Variants in MOV10L1 observed in about 807,000 individuals in gnomAD.
The protein encoded by MOV10L1 is RNA helicase Mov10l1.
A neutral mutation model predicts 143.8 loss-of-function variants in MOV10L1; 110 were observed. The ratio of observed to expected loss-of-function variants is 0.76; its 90% CI spans 0.66 to 0.90. MOV10L1 has a LOEUF of 0.90. Ranked by LOEUF, MOV10L1 falls within the 40% of genes least tolerant of loss-of-function variation. The pLI is 0.00. For synonymous variants in MOV10L1, 593 were observed against 581.1 expected (o/e 1.02, Z -0.29); for missense variants, 1,406 against 1,526.8 (o/e 0.92, Z 1.32).
At position 50,159,773 on chromosome 22, in the gene MOV10L1, C is replaced by G. The variant is rs199998039; in HGVS notation, c.3312C>G (p.Ile1104Met). The G allele has an allele frequency of 1.9e-6, 3 of 1,608,802 alleles. No homozygotes were observed. Among genetic ancestry groups the G allele is most frequent in the Non-Finnish European group, 2.6e-6 (3 of 1,175,846 alleles). ...EEFQGQEYLV[I>M]IISTVRSNED... is the part of the protein sequence containing the mutation. ...TTCAAGGACAAGAGTATCTGGTCAT[C>G]ATCATTTCGACCGTAGGTATCCCTG... is the stretch of plus-strand genomic sequence containing the variant. Residue 1104 changes from isoleucine to methionine, a missense_variant, in exon 24 of 27, where the codon ATC becomes ATG. Around this residue, in one of 3 missense-constraint regions of MOV10L1, gnomAD observed 1,233 missense variants for 1,351.4 expected, o/e 0.91. Transcript: ENST00000262794. This position sits in a 1 kb window ranked among gnomAD's most constrained non-coding sequence, Gnocchi z 4.1.
rs757913171 is a variant in MOV10L1 at position 50,158,731 on chromosome 22, TC to T, written c.3216+528del. Reference sequence around the variant, plus strand: ...CCAGGTTTCATTCATGAAGCATGTGTCCCTGTGGTGTTCACACCACCAAGCA... The same window carrying T: ...CCAGGTTTCATTCATGAAGCATGTGTCCTGTGGTGTTCACACCACCAAGCA... On this transcript the variant is annotated intron_variant, in intron 23 of 26. Coordinates refer to ENST00000262794, the MANE Select transcript of MOV10L1 (RefSeq NM_018995.3). This position sits in a 1 kb window ranked among gnomAD's most constrained non-coding sequence, Gnocchi z 5.0. 122 of 154,412 alleles carry T rather than the reference TC, an allele frequency of 7.9e-4. No individual in the cohort carries two copies. Among genetic ancestry groups the T allele is most frequent in the Middle Eastern group, 3.3e-3 (1 of 300 alleles). 9.6% of individuals were successfully genotyped at this position (154,412 alleles called of 1,614,324 possible).
intron 15 of MOV10L1, 120 bp from the exon 16 acceptor site, chr22:50,141,961 C>G (rs2063000330): frequency 3.2e-6 from 2 of 623,112 alleles, no homozygotes; most frequent in Admixed American, 3.7e-5. Context: ...GTGATCCATC[C>G]AAAGAGCTGT....
At chr22:50,157,710 T>G (rs1044603102) in intron 22 of MOV10L1, among the ~76,000 whole-genome samples, 4 of 146,720 alleles carry the variant, frequency 2.7e-5, no homozygotes, top group Non-Finnish European at 4.5e-5. Context: ...TAATGTTTTC[T>G]AAGGAAGAGT....
intron 5 of MOV10L1, among the ~76,000 whole-genome samples, chr22:50,113,069 C>T (rs1440072161): frequency 6.6e-6 from 1 of 152,122 alleles, no homozygotes; most frequent in Non-Finnish European, 1.5e-5. Context: ...GCAGGTTTAC[C>T]TTCTGGAAAG....
At chr22:50,161,157 A>G (rs2063550758) in intron 26 of MOV10L1, 102 bp downstream of exon 26, 1 of 1,275,378 alleles carries the variant, frequency 7.8e-7, no homozygotes, top group African/African-American at 1.5e-5. Flanking sequence ...ACCCACCTGC[A>G]GCCTTAGCCC....
chr22:50,117,115 T>A (rs1364133473), intron 8 of MOV10L1, 42 bp from the exon 9 acceptor site: 1 of 1,568,348 alleles, frequency 6.4e-7, no homozygotes, highest in African/African-American at 1.4e-5. Flanking sequence ...ACTGCCTATC[T>A]TATTTATGAC....
chr22:50,133,692 C>A (rs190307386), intron 13 of MOV10L1, among the ~76,000 whole-genome samples: 3 of 152,100 alleles, frequency 2.0e-5, no homozygotes, highest in Admixed American at 2.0e-4. Flanking sequence ...AGGCGTGCAC[C>A]ACCACTATGC....
intron 15 of MOV10L1, among the ~76,000 whole-genome samples, chr22:50,137,257 A>G (rs1240020812): frequency 6.6e-6 from 1 of 152,216 alleles, no homozygotes; most frequent in Non-Finnish European, 1.5e-5. Flanking sequence ...AGTTATAAAT[A>G]TGTTCCATGT....
chr22:50,143,433 CT>C (rs1195503110), intron 17 of MOV10L1: 2 of 578,116 alleles, frequency 3.5e-6, no homozygotes, highest in African/African-American at 3.7e-5. Context: ...CATTTTTAGC[CT>C]GGTAAACTAT....
At chr22:50,133,464 A>AT (rs2062733566) in intron 13 of MOV10L1, among the ~76,000 whole-genome samples, 1 of 151,062 alleles carries the variant, frequency 6.6e-6, no homozygotes, top group Admixed American at 6.6e-5. Context: ...TAAAAAAAAA[A>AT]AAAAAAAGAA....
Position 50,152,173 on chromosome 22 carries a change from C to T in MOV10L1, c.2893-872C>T, listed in dbSNP as rs1221507948. ...CTGCAGGAACACAGGTTTTCACCAA[C>T]AGGGGCTTTGTTAACTCATCCCAAG... On this transcript the variant is annotated intron_variant, in intron 21 of 26. Coordinates refer to ENST00000262794, the MANE Select transcript of MOV10L1 (RefSeq NM_018995.3). The surrounding 1 kb of genome is among the most constrained non-coding windows in gnomAD (Gnocchi z 4.4). Among the ~76,000 whole-genome samples, 1 of 152,236 alleles carries T rather than the reference C, an allele frequency of 6.6e-6. No homozygotes were observed. Among genetic ancestry groups the T allele is most frequent in the Non-Finnish European group, 1.5e-5 (1 of 68,040 alleles).
intron 1 of MOV10L1, 52 bp from the exon 2 acceptor site, chr22:50,091,949 A>C: frequency 6.4e-7 from 1 of 1,553,322 alleles, no homozygotes; most frequent in Non-Finnish European, 8.8e-7. Context: ...GGTTCACTGT[A>C]GCGTACGCTT....
intron 17 of MOV10L1, among the ~76,000 whole-genome samples, chr22:50,143,704 A>G (rs572667135): frequency 1.3e-5 from 2 of 152,228 alleles, no homozygotes; most frequent in Non-Finnish European, 2.9e-5. Context: ...GATGGTCTTC[A>G]CACCATCATA....
chr22:50,127,752 A>G (rs910173061), intron 12 of MOV10L1, among the ~76,000 whole-genome samples: 1 of 151,906 alleles, frequency 6.6e-6, no homozygotes, highest in Admixed American at 6.6e-5. Flanking sequence ...TACTAAAAGG[A>G]TAAGTCTTGT....
chr22:50,139,824 CCTG>C (rs1343885616), intron 15 of MOV10L1, among the ~76,000 whole-genome samples: 1 of 152,202 alleles, frequency 6.6e-6, no homozygotes, highest in Non-Finnish European at 1.5e-5. Flanking sequence ...CCACTGAACA[CCTG>C]CTAGAATGGC....
At chr22:50,109,946 C>T (rs970055590) in intron 5 of MOV10L1, among the ~76,000 whole-genome samples, 4 of 151,836 alleles carry the variant, frequency 2.6e-5, no homozygotes, top group East Asian at 3.9e-4. Flanking sequence ...GTCAGGAGTT[C>T]GAGACCAGCC....
At chr22:50,102,389 C>T (rs1602138428) in intron 3 of MOV10L1, among the ~76,000 whole-genome samples, 1 of 152,140 alleles carries the variant, frequency 6.6e-6, no homozygotes, top group African/African-American at 2.4e-5. Flanking sequence ...GCAAAAGGTG[C>T]GGCTGTGTCC....
intron 15 of MOV10L1, among the ~76,000 whole-genome samples, chr22:50,137,832 T>C (rs1028894117): frequency 1.5e-5 from 1 of 64,764 alleles, no homozygotes; most frequent in African/African-American, 3.9e-5. Context: ...TATACATATT[T>C]TATATATACA....
Position 50,150,915 on chromosome 22 carries a change from C to G in MOV10L1, c.2892+16C>G. 6.2e-7 allele frequency: 1 copy of G among 1,613,842 alleles called. No individual in the cohort carries two copies. The highest frequency in any genetic ancestry group is 8.5e-7 in the Non-Finnish European group (1 of 1,179,862). On this transcript the variant is annotated intron_variant, in intron 21 of 26. Coordinates refer to ENST00000262794, the MANE Select transcript of MOV10L1 (RefSeq NM_018995.3). ...TCCCCTGTTGGTGAGTCACAGACTC[C>G]AGCGCGTTCAGGTCCCCAGCTAAGC... is the stretch of plus-strand genomic sequence containing the variant.
Sources: allele counts gnomAD v4.1 joint callset (sites outside exome capture counted in the v4.1 genomes callset), GRCh38; gene constraint gnomAD v4.1.1; regional missense constraint gnomAD v4.1.1; non-coding constraint Gnocchi (gnomAD v3.1); transcripts MANE v1.5; gene names NCBI Gene and HGNC (gene_info 2026-07-23, HGNC 2026-07-21).